The following POLR3A variants were observed in gnomAD, a reference collection of about 807,000 sequenced individuals.
POLR3A encodes the protein RNA polymerase III subunit A.
Under a neutral mutation model 152.8 loss-of-function variants are expected in POLR3A, and 112 were observed. That is an observed-to-expected ratio of 0.73 (90% CI 0.63 to 0.86). The LOEUF is 0.86. Among genes scored for constraint, POLR3A ranks in the 40% least tolerant of loss-of-function variants. POLR3A has a pLI of 0.00. For synonymous variants in POLR3A, 615 were observed against 652.1 expected, an observed-to-expected ratio of 0.94 and a Z score of 0.87; for missense variants, 1,385 against 1,743.1, an observed-to-expected ratio of 0.79 and a Z score of 3.66.
intron 3 of POLR3A, 89 bp from the exon 4 acceptor site, chr10:78,025,231 C>T: frequency 1.5e-6 from 2 of 1,376,152 alleles, no homozygotes; most frequent in Admixed American, 1.7e-5. Flanking sequence ...GTTTTGTACC[C>T]TTAACCACGT....
intron 23 of POLR3A, 87 bp downstream of exon 23, chr10:77,985,816 G>T: frequency 1.0e-6 from 1 of 978,244 alleles, no homozygotes; most frequent in Non-Finnish European, 1.7e-6. Flanking sequence ...AAGTGAGCTG[G>T]TGCAGGGTTT....
chr10:78,016,350 AT>A (rs1464792101), intron 10 of POLR3A, among the ~76,000 whole-genome samples: 1 of 149,730 alleles, frequency 6.7e-6, no homozygotes, highest in African/African-American at 2.5e-5. Flanking sequence ...GGGAGGATCC[AT>A]TGAGCACAGG....
chr10:78,029,479 C>T lies in POLR3A; in HGVS notation c.-72G>A, dbSNP rs1053945145. 34 of 1,503,046 alleles carry T rather than the reference C, an allele frequency of 2.3e-5. No individual in the cohort carries two copies. In the Admixed American group the frequency reaches 4.4e-4, roughly 19 times the overall value. 93.1% of individuals were successfully genotyped at this position (1,503,046 alleles called of 1,614,324 possible). A position where few individuals can be genotyped will look rare whatever the true frequency, so the allele number is the denominator to read the frequency against. On this transcript the variant is annotated 5_prime_UTR_variant, in exon 1 of 31. Coordinates refer to ENST00000372371, the MANE Select transcript of POLR3A (RefSeq NM_007055.4). Reference sequence around the variant, plus strand: ...AGAGAAACGATGCCCCCAGCACCTCCTGGGGCTGCTTCTGGACTCGCCGCT... The same window carrying T: ...AGAGAAACGATGCCCCCAGCACCTCTTGGGGCTGCTTCTGGACTCGCCGCT...
chr10:77,982,763 G>T lies in POLR3A; in HGVS notation c.3484C>A (p.Pro1162Thr). 1.2e-6 allele frequency: 2 copies of T among 1,613,938 alleles called. No individual in the cohort carries two copies. Among genetic ancestry groups the T allele is most frequent in the South Asian group, 2.2e-5 (2 of 91,062 alleles). The change falls in exon 27 of 31, where the codon CCC (proline) becomes ACC (threonine). Residue 1162 changes from proline to threonine, a missense_variant. This residue lies in a region of POLR3A where 332 missense variants were observed against 400.1 expected (regional missense o/e 0.83). Coordinates refer to ENST00000372371, the MANE Select transcript of POLR3A (RefSeq NM_007055.4). Reference protein sequence around the residue: ...SICTSKLRVKPGDVAVHGEAV... With the variant: ...SICTSKLRVKTGDVAVHGEAV... ...TCACCATGAACAGCCACATCACCGG[G>T]CTTCACACGGAGCTTGGATGTGCAG...
chr10:78,016,373 C>T, intron 10 of POLR3A, among the ~76,000 whole-genome samples: 1 of 148,552 alleles, frequency 6.7e-6, no homozygotes, highest in Non-Finnish European at 1.5e-5. Context: ...GATTGCGACC[C>T]ATCTGGGCAA....
intron 19 of POLR3A, among the ~76,000 whole-genome samples, chr10:77,994,558 T>C (rs1847280848): frequency 6.8e-6 from 1 of 147,902 alleles, no homozygotes; most frequent in Non-Finnish European, 1.5e-5. Flanking sequence ...AGAAAGGGTA[T>C]CAGTGATGGA....
In POLR3A at chr10:78,004,959, G is replaced by A. The variant is rs917271090; in HGVS notation, c.2075-71C>T. The A allele has an allele frequency of 1.4e-5, 16 of 1,176,884 alleles. No individual in the cohort carries two copies. In the African/African-American group the frequency reaches 2.3e-4, roughly 17 times the overall value. 72.9% of individuals were successfully genotyped at this position (1,176,884 alleles called of 1,614,324 possible). ...AGCAAACCTACTAAATACAGTTTAT[G>A]CCTGCTAGATATAGTTTGTACTATA... is the stretch of plus-strand genomic sequence containing the variant. On this transcript the variant is annotated intron_variant, in intron 15 of 30. Transcript: ENST00000372371.
chr10:78,009,083 G>A (rs374381903), intron 14 of POLR3A, among the ~76,000 whole-genome samples: 5 of 148,574 alleles, frequency 3.4e-5, no homozygotes, highest in East Asian at 4.0e-4. Flanking sequence ...AACCCAGTAG[G>A]TGGAAGTTGC....
chr10:77,997,192 C>G (rs1847310016), intron 19 of POLR3A, among the ~76,000 whole-genome samples: 1 of 152,078 alleles, frequency 6.6e-6, no homozygotes, highest in South Asian at 2.1e-4. Flanking sequence ...ATGACAAACC[C>G]ACAGCCAATA....
chr10:77,977,837 A>G (rs943745513), intron 30 of POLR3A, among the ~76,000 whole-genome samples: 7 of 152,150 alleles, frequency 4.6e-5, no homozygotes, highest in African/African-American at 1.7e-4. Context: ...AGGGAAGGGC[A>G]GGGCTTGCTC....
At chr10:77,985,045 T>C (rs1847184050) in intron 24 of POLR3A, 125 bp downstream of exon 24, 2 of 884,756 alleles carry the variant, frequency 2.3e-6, no homozygotes, top group Non-Finnish European at 3.8e-6. Context: ...ACAGCAAGCA[T>C]GCCACCCAGA....
chr10:77,981,315 A>C, intron 29 of POLR3A, 113 bp downstream of exon 29: 2 of 1,031,136 alleles, frequency 1.9e-6, no homozygotes, highest in Non-Finnish European at 1.5e-6. Context: ...TTTTCTCTCT[A>C]TGATGGTCCT....
At chr10:78,018,072 A>G (rs1847542152) in intron 9 of POLR3A, among the ~76,000 whole-genome samples, 3 of 150,574 alleles carry the variant, frequency 2.0e-5, no homozygotes. Flanking sequence ...TCTACTTTGG[A>G]GCCTAAGGTG....
chr10:77,977,743 C>T, intron 30 of POLR3A, 117 bp from the exon 31 acceptor site: 1 of 852,946 alleles, frequency 1.2e-6, no homozygotes, highest in South Asian at 1.4e-5. Context: ...CGCCACTCCA[C>T]ATCAACTGAA....
intron 8 of POLR3A, among the ~76,000 whole-genome samples, 160 bp downstream of exon 8, chr10:78,021,386 T>G (rs756112607): frequency 2.6e-5 from 4 of 152,204 alleles, no homozygotes; most frequent in African/African-American, 4.8e-5. Flanking sequence ...CCACCAACTA[T>G]GTATAAAGCA....
chr10:77,978,704 A>G (rs1288895978), intron 30 of POLR3A, among the ~76,000 whole-genome samples: 1 of 141,350 alleles, frequency 7.1e-6, no homozygotes, highest in Non-Finnish European at 1.5e-5. Flanking sequence ...TCTGTTGCTC[A>G]GGCTAGAGTG....
chr10:77,999,903 A>C lies in POLR3A; in HGVS notation c.2616+78T>G, dbSNP rs1847339677. ...ACTAGATAAATTACAGCTCATGTGC[A>C]AAACGTGTACTCAATAGTCAAAACC... is the stretch of plus-strand genomic sequence containing the variant. On this transcript the variant is annotated intron_variant, in intron 19 of 30. Coordinates refer to ENST00000372371, the MANE Select transcript of POLR3A (RefSeq NM_007055.4). 4 of 1,396,078 alleles carry C rather than the reference A, an allele frequency of 2.9e-6. No homozygotes were observed. In the East Asian group the frequency reaches 9.2e-5, roughly 32 times the overall value. 86.5% of individuals were successfully genotyped at this position (1,396,078 alleles called of 1,614,324 possible). A position where few individuals can be genotyped will look rare whatever the true frequency, so the allele number is the denominator to read the frequency against.
At position 78,013,827 on chromosome 10, in the gene POLR3A, C is replaced by T. The variant is rs1213933138; in HGVS notation, c.1432-37G>A. ...AAAACAAAACAAAACAGGAAGAGGACTTAGGCATTTATCCAAAAGCTTCTC... is the reference window on the plus strand; with the variant it reads ...AAAACAAAACAAAACAGGAAGAGGATTTAGGCATTTATCCAAAAGCTTCTC... On this transcript the variant is annotated intron_variant, in intron 10 of 30. Coordinates refer to ENST00000372371, the MANE Select transcript of POLR3A (RefSeq NM_007055.4). 8 of 1,613,686 alleles carry T rather than the reference C, an allele frequency of 5.0e-6. No individual in the cohort carries two copies. The East Asian group carries it at 1.8e-4, about 36-fold the overall frequency.
intron 28 of POLR3A, among the ~76,000 whole-genome samples, 173 bp downstream of exon 28, chr10:77,981,981 G>C (rs1192826740): frequency 1.4e-5 from 2 of 138,962 alleles, no homozygotes; most frequent in African/African-American, 5.4e-5. Context: ...AGAGCTTGCA[G>C]TGAGCAGAGA....
Sources: gnomAD v4.1 joint callset for allele counts (sites outside exome capture counted in the v4.1 genomes callset) on GRCh38, gnomAD v4.1.1 for gene constraint, gnomAD v4.1.1 regional missense constraint, MANE v1.5 for transcripts, NCBI Gene and HGNC (gene_info 2026-07-23, HGNC 2026-07-21) for gene names.